Variants in LPP observed in about 807,000 individuals in gnomAD.
LPP encodes the protein LIM domain containing preferred translocation partner in lipoma, also known as lipoma-preferred partner.
In LPP, 38 loss-of-function variants were observed where a neutral mutation model predicts 60.4. The observed-to-expected ratio is 0.63, with a 90% CI of 0.49 to 0.83. The LOEUF (loss-of-function observed/expected upper bound fraction) is 0.83, where lower values mean the gene tolerates loss of function less well. Ranked by LOEUF, LPP falls within the 40% of genes least tolerant of loss-of-function variation. The probability of loss-of-function intolerance (pLI) is 0.00; values close to 1 mark genes in which losing one functional copy is unlikely to be tolerated. For synonymous variants in LPP, 328 were observed against 290.8 expected (o/e 1.13, Z -1.30); for missense variants, 902 against 783.6 (o/e 1.15, Z -1.80).
chr3:188,758,999 C>T (rs1398646), intron 8 of LPP, among the ~76,000 whole-genome samples: 10,008 of 152,252 alleles, frequency 0.066, 452 homozygotes, highest in South Asian at 0.12. Flanking sequence ...TCAAAGCCTA[C>T]AGCTTCTGGC....
intron 9 of LPP, among the ~76,000 whole-genome samples, chr3:188,840,937 G>A (rs969565060): frequency 6.6e-6 from 1 of 152,134 alleles, no homozygotes; most frequent in Non-Finnish European, 1.5e-5. Flanking sequence ...CATCTGATGT[G>A]GCGGGCATCC....
At chr3:188,276,669 GTCTCTCTC>G (rs750060555) in intron 2 of LPP, among the ~76,000 whole-genome samples, 2 of 100,050 alleles carry the variant, frequency 2.0e-5, no homozygotes, top group Non-Finnish European at 4.5e-5. Context: ...CTCCAACTCT[GTCTCTCTC>G]TCTCTCTCTC....
At chr3:188,867,561 C>A (rs1211369243) in intron 10 of LPP, among the ~76,000 whole-genome samples, 3 of 152,144 alleles carry the variant, frequency 2.0e-5, no homozygotes, top group Non-Finnish European at 4.4e-5. Context: ...CCAGGCTGGT[C>A]TCAAACTCCT....
At position 188,877,891 on chromosome 3, in the gene LPP, C is replaced by T. The variant is rs1405221107; in HGVS notation, c.*3412C>T. 1 of 215,772 alleles carries T rather than the reference C, an allele frequency of 4.6e-6. No individual in the cohort carries two copies. Among genetic ancestry groups the T allele is most frequent in the Non-Finnish European group, 9.3e-6 (1 of 107,100 alleles). 13.4% of individuals were successfully genotyped at this position (215,772 alleles called of 1,614,324 possible). ...ATTGTTATTTCTGTAGGAGCAACTT[C>T]TCTGATCAAAATTACTTTTCTGGGT... On this transcript the variant is annotated 3_prime_UTR_variant, in exon 12 of 12. Transcript: ENST00000617246.
At chr3:188,407,780 G>C (rs6444287) in intron 4 of LPP, among the ~76,000 whole-genome samples, 1 of 94,898 alleles carries the variant, frequency 1.1e-5, no homozygotes, top group African/African-American at 4.2e-5. Flanking sequence ...TTTTTTTTTT[G>C]TTTGTTTGTT....
intron 7 of LPP, among the ~76,000 whole-genome samples, chr3:188,707,031 A>G (rs1041797832): frequency 6.6e-6 from 1 of 152,218 alleles, no homozygotes; most frequent in African/African-American, 2.4e-5. Flanking sequence ...CTTTAAATCT[A>G]GTATATGGCC....
chr3:188,657,495 C>A lies in LPP; in HGVS notation c.1113+47651C>A, dbSNP rs554194579. 6.6e-5 allele frequency among the ~76,000 whole-genome samples: 10 copies of A among 151,772 alleles called. No homozygotes were observed. In the East Asian group the frequency reaches 9.7e-4, roughly 15 times the overall value. On this transcript the variant is annotated intron_variant, in intron 7 of 11. Coordinates refer to ENST00000617246, the MANE Select transcript of LPP (RefSeq NM_001375462.1). ...AATTTAGCATTACCAGTGGATTCTG[C>A]GTATTTGATATGCTCTTTTTATTTT...
intron 8 of LPP, among the ~76,000 whole-genome samples, chr3:188,735,232 G>A (rs967047355): frequency 6.6e-6 from 1 of 152,040 alleles, no homozygotes; most frequent in Non-Finnish European, 1.5e-5. Context: ...GCATGTTTCA[G>A]AAGAGCTCTC....
chr3:188,168,582 C>T (rs1720698129), intron 1 of LPP, among the ~76,000 whole-genome samples: 1 of 152,120 alleles, frequency 6.6e-6, no homozygotes, highest in Admixed American at 6.6e-5. Flanking sequence ...GGAAGTAAAT[C>T]CCAAGCCAAG....
At chr3:188,734,615 G>T in intron 8 of LPP, among the ~76,000 whole-genome samples, 1 of 152,206 alleles carries the variant, frequency 6.6e-6, no homozygotes, top group East Asian at 1.9e-4. Flanking sequence ...TGTCCTAGGG[G>T]TGACTGGGAG....
At chr3:188,327,902 C>A (rs1319232173) in intron 2 of LPP, among the ~76,000 whole-genome samples, 1 of 151,412 alleles carries the variant, frequency 6.6e-6, no homozygotes, top group Non-Finnish European at 1.5e-5. Context: ...TTACCATATT[C>A]AAAAAAGTAA....
chr3:188,153,743 G>C (rs1715165659), upstream of LPP: 1 of 152,278 alleles, frequency 6.6e-6, no homozygotes, highest in Non-Finnish European at 1.5e-5. Context: ...GCGGCTTCGC[G>C]GGCACACGCC....
At chr3:188,658,904 A>G (rs1853953031) in intron 7 of LPP, among the ~76,000 whole-genome samples, 1 of 152,210 alleles carries the variant, frequency 6.6e-6, no homozygotes, top group South Asian at 2.1e-4. Context: ...GATACTCCAG[A>G]GCCCCATTTC....
At chr3:188,653,081 A>G (rs1580713019) in intron 7 of LPP, among the ~76,000 whole-genome samples, 1 of 152,220 alleles carries the variant, frequency 6.6e-6, no homozygotes, top group African/African-American at 2.4e-5. Context: ...TCTTGAGACA[A>G]TAGGTTGAAG....
At chr3:188,622,552 A>G (rs1580463634) in intron 7 of LPP, among the ~76,000 whole-genome samples, 1 of 152,132 alleles carries the variant, frequency 6.6e-6, no homozygotes, top group East Asian at 1.9e-4. Flanking sequence ...CAATGTTACT[A>G]TATTACTGCT....
intron 6 of LPP, among the ~76,000 whole-genome samples, chr3:188,549,387 C>G (rs1024816405): frequency 3.6e-4 from 47 of 130,306 alleles, no homozygotes; most frequent in Non-Finnish European, 3.6e-4. Context: ...TTCTACTTCT[C>G]TATTTTGTGT....
chr3:188,859,623 G>A lies in LPP; in HGVS notation c.1411-6577G>A, dbSNP rs181650073. Among the ~76,000 whole-genome samples the A allele has an allele frequency of 1.9e-4, 29 of 152,308 alleles. No homozygotes were observed. The East Asian group carries it at 4.8e-3, about 25-fold the overall frequency. ...ATTCTTTAGGCTTTCTGCAATATTA[G>A]AGTAAGTGAGGAGGCAGCTCTGCTC... On this transcript the variant is annotated intron_variant, in intron 9 of 11. Coordinates refer to ENST00000617246, the MANE Select transcript of LPP (RefSeq NM_001375462.1).
At chr3:188,176,959 C>G (rs1304266308) in intron 1 of LPP, among the ~76,000 whole-genome samples, 3 of 152,182 alleles carry the variant, frequency 2.0e-5, no homozygotes, top group African/African-American at 7.2e-5. Flanking sequence ...AAGTCACCTG[C>G]CCTCTCTGAG....
Position 188,243,863 on chromosome 3 carries a change from ATTATT to A in LPP, c.-67+18344_-67+18348del, listed in dbSNP as rs566910183. 5.4e-3 allele frequency among the ~76,000 whole-genome samples: 822 copies of A among 151,872 alleles called. 6 individuals are homozygous for A. The highest frequency in any genetic ancestry group is 6.7e-3 in the Non-Finnish European group (453 of 67,958). On this transcript the variant is annotated intron_variant, in intron 2 of 11. Transcript: ENST00000617246. ...AGGTCCACATCTTTTTTTTTAATTA[ATTATT>A]TTATTTTTAAAATTTTTATTTTTTT...
Sources: gnomAD v4.1 joint callset for allele counts (sites outside exome capture counted in the v4.1 genomes callset) on GRCh38, gnomAD v4.1.1 for gene constraint, MANE v1.5 for transcripts, NCBI Gene and HGNC (gene_info 2026-07-23, HGNC 2026-07-21) for gene names.